MYO7B: variants seen among roughly 807,000 people sequenced by gnomAD.
The protein encoded by MYO7B is myosin VIIB, also known as unconventional myosin-VIIb.
A neutral mutation model predicts 259.7 loss-of-function variants in MYO7B; 212 were observed. That is an observed-to-expected ratio of 0.82 (90% CI 0.73 to 0.91). The LOEUF (loss-of-function observed/expected upper bound fraction) is 0.91. Among genes scored for constraint, MYO7B ranks in the 40% least tolerant of loss-of-function variants. The pLI, the probability that MYO7B is intolerant of heterozygous loss-of-function variation, is 0.00. For missense variants in MYO7B, 2,732 were observed against 2,813.5 expected, an observed-to-expected ratio of 0.97 and a Z score of 0.66; for synonymous variants, 1,197 against 1,166.4, an observed-to-expected ratio of 1.03 and a Z score of -0.54.
At chr2:127,570,050 G>A in intron 6 of MYO7B, 140 bp downstream of exon 6, 1 of 1,102,168 alleles carries the variant, frequency 9.1e-7, no homozygotes, top group Admixed American at 3.1e-5. Flanking sequence ...ACACAAGGGT[G>A]GGGTGCATGG....
At chr2:127,601,249 C>G (rs1008974730) in intron 19 of MYO7B, among the ~76,000 whole-genome samples, 16 of 152,148 alleles carry the variant, frequency 1.1e-4, no homozygotes, top group Non-Finnish European at 1.6e-4. Context: ...TATGTCCTCT[C>G]TTGGTATATA....
In MYO7B at chr2:127,539,761, GA is replaced by G. The variant is rs1195753289; in HGVS notation, c.-24+3931del. ...TAAGTTCTTCAGTGGTGATTTGTGA[GA>G]TTTTTTTGCACCTATCACCACAGCA... On this transcript the variant is annotated intron_variant, in intron 1 of 47. Coordinates refer to ENST00000409816, the MANE Select transcript of MYO7B (RefSeq NM_001393586.1). This position sits in a 1 kb window ranked among gnomAD's most constrained non-coding sequence, Gnocchi z 4.0. Among the ~76,000 whole-genome samples the G allele has an allele frequency of 2.6e-5, 4 of 152,180 alleles. No homozygotes were observed. The highest frequency in any genetic ancestry group is 9.7e-5 in the African/African-American group (4 of 41,442).
chr2:127,551,176 A>G (rs1693431230), intron 1 of MYO7B, among the ~76,000 whole-genome samples: 1 of 152,238 alleles, frequency 6.6e-6, no homozygotes, highest in African/African-American at 2.4e-5. Flanking sequence ...GGGTTCTACC[A>G]GGCATCTCTC....
In MYO7B at chr2:127,539,016, T is replaced by C. The variant is rs369139967; in HGVS notation, c.-24+3185T>C. On this transcript the variant is annotated intron_variant, in intron 1 of 47. Coordinates refer to ENST00000409816, the MANE Select transcript of MYO7B (RefSeq NM_001393586.1). This position sits in a 1 kb window ranked among gnomAD's most constrained non-coding sequence, Gnocchi z 4.0. ...AACTAATGAGCAGGTGCTGGAAAAC[T>C]TTCAGCACAGTGTCTGTCTGAGCTC... Among the ~76,000 whole-genome samples, 10 of 152,306 alleles carry C rather than the reference T, an allele frequency of 6.6e-5. No individual in the cohort carries two copies. The East Asian group carries it at 1.7e-3, about 26-fold the overall frequency.
rs1171777348 is a variant in MYO7B at position 127,586,113 on chromosome 2, T to C, written c.1690+1200T>C. ...TTCCTTTCTTTGCTTGTGTCATATC[T>C]AAGAGTCCAGGGTCAAATACAAAGT... On this transcript the variant is annotated intron_variant, in intron 14 of 47. Coordinates refer to ENST00000409816, the MANE Select transcript of MYO7B (RefSeq NM_001393586.1). This position sits in a 1 kb window ranked among gnomAD's most constrained non-coding sequence, Gnocchi z 4.8. Among the ~76,000 whole-genome samples, 2 of 152,258 alleles carry C rather than the reference T, an allele frequency of 1.3e-5. No homozygotes were observed. Among genetic ancestry groups the C allele is most frequent in the African/African-American group, 4.8e-5 (2 of 41,468 alleles).
chr2:127,632,476 C>T, intron 39 of MYO7B, 75 bp downstream of exon 39: 1 of 1,475,554 alleles, frequency 6.8e-7, no homozygotes, highest in East Asian at 2.5e-5. Context: ...CCTGGCCAGC[C>T]TTCCAGGAGC....
rs552138314 is a variant in MYO7B at position 127,627,754 on chromosome 2, C to T, written c.4460+444C>T. 3 of 458,758 alleles carry T rather than the reference C, an allele frequency of 6.5e-6. No individual in the cohort carries two copies. Among genetic ancestry groups the T allele is most frequent in the East Asian group, 6.9e-5 (1 of 14,424 alleles). The allele number at this position is 458,758 out of a possible 1,614,324, so 28.4% of individuals were successfully genotyped here. ...CCTCTTAGGCTGGGGCTGACCCCCA[C>T]TCCCATGGGTCTCCATGGATCTCAT... On this transcript the variant is annotated intron_variant, in intron 33 of 47. Transcript: ENST00000409816. The surrounding 1 kb of genome is among the most constrained non-coding windows in gnomAD (Gnocchi z 5.6).
rs749146544 is a variant in MYO7B at position 127,580,718 on chromosome 2, A to G, written c.1004-28A>G. On this transcript the variant is annotated intron_variant, in intron 9 of 47. Transcript: ENST00000409816. Reference sequence around the variant, plus strand: ...CTCCCATCGCTCCAGGCTGCTTTCCAACTCAGCATTCCTGCTTCTCTCTCT... The same window carrying G: ...CTCCCATCGCTCCAGGCTGCTTTCCGACTCAGCATTCCTGCTTCTCTCTCT... 5.6e-6 allele frequency: 9 copies of G among 1,600,940 alleles called. No individual in the cohort carries two copies. The Admixed American group carries it at 1.5e-4, about 27-fold the overall frequency.
intron 1 of MYO7B, among the ~76,000 whole-genome samples, chr2:127,554,923 A>G (rs2104830831): frequency 6.6e-6 from 1 of 151,394 alleles, no homozygotes; most frequent in African/African-American, 2.4e-5. Flanking sequence ...TGTCAGTTGT[A>G]ATACCTCCTG....
intron 17 of MYO7B, 133 bp from the exon 18 acceptor site, chr2:127,593,413 T>G: frequency 1.2e-6 from 1 of 834,178 alleles, no homozygotes; most frequent in Non-Finnish European, 1.9e-6. Context: ...CCGTTGTGCC[T>G]GTGCCTGGGC....
chr2:127,555,106 C>A (rs975599864), intron 1 of MYO7B, among the ~76,000 whole-genome samples: 2 of 152,200 alleles, frequency 1.3e-5, no homozygotes, highest in Admixed American at 1.3e-4. Flanking sequence ...CACCACCATG[C>A]CTGGCTAATT....
In MYO7B at chr2:127,629,723, A is replaced by G; in HGVS notation, c.4703A>G (p.Asn1568Ser). The change falls in exon 35 of 48, where the codon AAC becomes AGC. Residue 1568 changes from asparagine to serine, a missense_variant. Transcript: ENST00000409816. ...TKKQGLLASENWTLGQNDRTG... is the reference protein window; with the variant it reads ...TKKQGLLASESWTLGQNDRTG... ...AAGCAGGGGCTGCTGGCCTCTGAGA[A>G]CTGGACCCTCGGCCAGAACGACAGG... 6.2e-7 allele frequency: 1 copy of G among 1,612,324 alleles called. No individual in the cohort carries two copies. Among genetic ancestry groups the G allele is most frequent in the Non-Finnish European group, 8.5e-7 (1 of 1,179,472 alleles).
intron 8 of MYO7B, 100 bp from the exon 9 acceptor site, chr2:127,578,033 C>T: frequency 7.0e-7 from 1 of 1,423,610 alleles, no homozygotes; most frequent in Non-Finnish European, 9.6e-7. Context: ...ACGTGGTCCA[C>T]CCATTGCCTA....
intron 28 of MYO7B, 136 bp from the exon 29 acceptor site, chr2:127,623,066 G>A (rs1453933697): frequency 2.9e-6 from 3 of 1,023,828 alleles, no homozygotes; most frequent in African/African-American, 3.3e-5. Context: ...GGGCTTCAGA[G>A]GGCCCACCCC....
rs35076829 is a variant in MYO7B, at chr2:127,569,207, CAAAAAAAAAAA to C, written c.471-572_471-562del. 5.2e-5 allele frequency among the ~76,000 whole-genome samples: 4 copies of C among 77,432 alleles called. No homozygotes were observed. The South Asian group carries it at 1.8e-3, about 34-fold the overall frequency. 50.8% of individuals were successfully genotyped at this position (77,432 alleles called of 152,430 possible). On this transcript the variant is annotated intron_variant, in intron 5 of 47. Transcript: ENST00000409816. ...TGGGTGACAGAGTGAGACTCCGTCT[CAAAAAAAAAAA>C]AAAAAAAAAGGTAATATTTTCAGAT...
intron 38 of MYO7B, 33 bp from the exon 39 acceptor site, chr2:127,632,213 G>T: frequency 6.2e-7 from 1 of 1,600,726 alleles, no homozygotes; most frequent in Non-Finnish European, 8.5e-7. Context: ...CCCCCTGAGG[G>T]GCCTTTCCCG....
At chr2:127,608,933 C>A (rs1187724197) in intron 22 of MYO7B, 55 bp downstream of exon 22, 1 of 1,561,804 alleles carries the variant, frequency 6.4e-7, no homozygotes, top group Admixed American at 1.9e-5. Context: ...GGAAGCCTGC[C>A]CAGTCCGTGA....
At chr2:127,572,199 G>A (rs759022232) in intron 6 of MYO7B, among the ~76,000 whole-genome samples, 1 of 152,112 alleles carries the variant, frequency 6.6e-6, no homozygotes, top group Non-Finnish European at 1.5e-5. Context: ...CAGTCAGATC[G>A]CTTGAGGTCA....
chr2:127,607,604 A>G lies in MYO7B; in HGVS notation c.2643+180A>G, dbSNP rs1680207873. Among the ~76,000 whole-genome samples, 1 of 152,146 alleles carries G rather than the reference A, an allele frequency of 6.6e-6. No homozygotes were observed. The highest frequency in any genetic ancestry group is 6.5e-5 in the Admixed American group (1 of 15,282). ...AATTACTCAAGAGCACAGCAAGGAT[A>G]CAGGACACAAGATGCAAATTAGCAG... is the stretch of plus-strand genomic sequence containing the variant. On this transcript the variant is annotated intron_variant, in intron 21 of 47. Coordinates refer to ENST00000409816, the MANE Select transcript of MYO7B (RefSeq NM_001393586.1). This position sits in a 1 kb window ranked among gnomAD's most constrained non-coding sequence, Gnocchi z 4.4.
Sources: gnomAD v4.1 joint callset for allele counts (sites outside exome capture counted in the v4.1 genomes callset) on GRCh38, gnomAD v4.1.1 for gene constraint, Gnocchi (gnomAD v3.1) non-coding constraint, MANE v1.5 for transcripts, NCBI Gene and HGNC (gene_info 2026-07-23, HGNC 2026-07-21) for gene names.